The following TBXAS1 variants were observed in gnomAD, a reference collection of about 807,000 sequenced individuals.
The protein encoded by TBXAS1 is thromboxane-A synthase.
Under a neutral mutation model 60.7 loss-of-function variants are expected in TBXAS1, and 48 were observed. The ratio of observed to expected loss-of-function variants is 0.79; its 90% CI spans 0.63 to 1.01. The LOEUF is 1.01. TBXAS1 is among the 50% of genes least tolerant of loss of function. TBXAS1 has a pLI of 0.00. For synonymous variants in TBXAS1, 287 were observed against 269.7 expected (o/e 1.06, Z -0.63); for missense variants, 685 against 686.3 (o/e 1.00, Z 0.02).
intron 9 of TBXAS1, among the ~76,000 whole-genome samples, chr7:139,974,175 G>A (rs973059157): frequency 6.6e-6 from 1 of 152,206 alleles, no homozygotes; most frequent in Non-Finnish European, 1.5e-5. Flanking sequence ...GGCTGAAAAG[G>A]AGGGAGGTCC....
At position 139,884,832 on chromosome 7, in the gene TBXAS1, C is replaced by T. The variant is rs565180042; in HGVS notation, c.236+9195C>T. On this transcript the variant is annotated intron_variant, in intron 3 of 12. Transcript: ENST00000448866. ...TCTAGGTAGTACAGCAGGGTCTCAG[C>T]GGTGAGGGCTCTGAGGATGAACCAG... Among the ~76,000 whole-genome samples the T allele has an allele frequency of 5.9e-5, 9 of 152,322 alleles. No homozygotes were observed. The South Asian group carries it at 1.2e-3, about 21-fold the overall frequency.
At chr7:139,973,104 C>T (rs985723876) in intron 9 of TBXAS1, among the ~76,000 whole-genome samples, 5 of 151,960 alleles carry the variant, frequency 3.3e-5, no homozygotes, top group Non-Finnish European at 5.9e-5. Flanking sequence ...GTGCAATTGC[C>T]CAGAAGATAT....
At position 139,840,942 on chromosome 7, in the gene TBXAS1, C is replaced by T. The variant is rs577059850; in HGVS notation, c.89+11463C>T. On this transcript the variant is annotated intron_variant, in intron 1 of 12. Coordinates refer to ENST00000448866, the MANE Select transcript of TBXAS1 (RefSeq NM_001061.7). Reference sequence around the variant, plus strand: ...TACAGAAGGCCACCGAGTGCCTTCCCGATCTGGACTCCGTGACTTCTATGC... The same window carrying T: ...TACAGAAGGCCACCGAGTGCCTTCCTGATCTGGACTCCGTGACTTCTATGC... Among the ~76,000 whole-genome samples, 92 of 152,326 alleles carry T rather than the reference C, an allele frequency of 6.0e-4. 1 individual carries two copies. Among genetic ancestry groups the T allele is most frequent in the Middle Eastern group, 6.8e-3 (2 of 294 alleles).
intron 4 of TBXAS1, chr7:139,787,491 A>G (rs1246210905): frequency 1.3e-5 from 2 of 152,190 alleles, no homozygotes; most frequent in Non-Finnish European, 2.9e-5. Flanking sequence ...ATTCATTACA[A>G]ACTTCTGGAT....
At chr7:139,915,120 T>C (rs998819077) in intron 4 of TBXAS1, among the ~76,000 whole-genome samples, 6 of 152,242 alleles carry the variant, frequency 3.9e-5, no homozygotes, top group Non-Finnish European at 8.8e-5. Context: ...GCTTTGTTTA[T>C]GGTCTTTAAG....
chr7:139,987,910 A>G (rs1569523015), intron 9 of TBXAS1, among the ~76,000 whole-genome samples: 1 of 152,260 alleles, frequency 6.6e-6, no homozygotes, highest in Non-Finnish European at 1.5e-5. Flanking sequence ...TAGCACCACC[A>G]TGCAGATCAC....
intron 9 of TBXAS1, among the ~76,000 whole-genome samples, chr7:139,993,762 C>A (rs772886780): frequency 1.3e-5 from 2 of 152,212 alleles, no homozygotes; most frequent in African/African-American, 4.8e-5. Context: ...AACGCTGCCT[C>A]TGCCCCCTCC....
intron 3 of TBXAS1, among the ~76,000 whole-genome samples, chr7:139,907,585 G>A (rs902457561): frequency 6.6e-6 from 1 of 151,906 alleles, no homozygotes; most frequent in Non-Finnish European, 1.5e-5. Flanking sequence ...TAAAATTAGT[G>A]TTAATTCTTC....
At chr7:139,983,000 G>C (rs1018990595) in intron 9 of TBXAS1, among the ~76,000 whole-genome samples, 29 of 151,986 alleles carry the variant, frequency 1.9e-4, no homozygotes, top group Non-Finnish European at 3.2e-4. Context: ...TACACATTCT[G>C]GGATCCACAT....
At chr7:139,955,392 G>A (rs1469257854) in intron 6 of TBXAS1, 67 bp from the exon 7 acceptor site, 5 of 1,607,156 alleles carry the variant, frequency 3.1e-6, no homozygotes, top group Non-Finnish European at 3.4e-6. Flanking sequence ...CTCCTCCTCT[G>A]GAGGGGGCCA....
Position 140,017,728 on chromosome 7 carries a change from C to T in TBXAS1, c.1422C>T (p.Ala474=), listed in dbSNP as rs146745109. 2.1e-4 allele frequency: 343 copies of T among 1,613,882 alleles called. 2 individuals carry two copies. Among genetic ancestry groups the T allele is most frequent in the Middle Eastern group, 3.3e-4 (2 of 6,066 alleles). The change falls in exon 12 of 13, where the codon GCC becomes GCT. Residue 474 remains alanine, a synonymous_variant. Transcript: ENST00000448866. The part of the protein sequence containing the change: ...HRPFTYLPFG[A]GPRSCLGVRL... The stretch of plus-strand genomic sequence containing the variant: ...CCTTCACGTACCTGCCCTTCGGGGC[C>T]GGCCCACGGAGCTGCCTCGGGGTGC...
intron 9 of TBXAS1, among the ~76,000 whole-genome samples, chr7:140,003,083 C>A: frequency 1.4e-5 from 2 of 143,254 alleles, no homozygotes; most frequent in Non-Finnish European, 1.5e-5. Context: ...GAGACCGGGC[C>A]ATTGTACTCC....
intron 10 of TBXAS1, among the ~76,000 whole-genome samples, chr7:140,010,824 A>G (rs890653782): frequency 2.0e-5 from 3 of 152,270 alleles, no homozygotes; most frequent in African/African-American, 7.2e-5. Flanking sequence ...GGAACAGGGC[A>G]TAACAGTAAT....
rs1221986053 is a variant in TBXAS1 at position 139,896,327 on chromosome 7, C to T, written c.237-14898C>T. Among the ~76,000 whole-genome samples the T allele has an allele frequency of 1.3e-5, 2 of 152,290 alleles. No homozygotes were observed. The highest frequency in any genetic ancestry group is 2.9e-5 in the Non-Finnish European group (2 of 68,018). On this transcript the variant is annotated intron_variant, in intron 3 of 12. Transcript: ENST00000448866. The surrounding 1 kb of genome is among the most constrained non-coding windows in gnomAD (Gnocchi z 4.0). ...AAAGAGGGGCAGGTGACCCGACTGTCTGAAGTTTTCCAAACTAACAAGAGG... is the reference window on the plus strand; with the variant it reads ...AAAGAGGGGCAGGTGACCCGACTGTTTGAAGTTTTCCAAACTAACAAGAGG...
At position 139,862,861 on chromosome 7, in the gene TBXAS1, C is replaced by T. The variant is rs1200442982; in HGVS notation, c.90-9374C>T. ...TTTCTAAGCAGCCTGCCTTTGTTCT[C>T]AGCATATTGTCTACATGTTCTCATG... is the stretch of plus-strand genomic sequence containing the variant. On this transcript the variant is annotated intron_variant, in intron 1 of 12. Coordinates refer to ENST00000448866, the MANE Select transcript of TBXAS1 (RefSeq NM_001061.7). Among the ~76,000 whole-genome samples, 45 of 152,166 alleles carry T rather than the reference C, an allele frequency of 3.0e-4. 1 individual carries two copies. The highest frequency in any genetic ancestry group is 2.9e-3 in the Admixed American group (44 of 15,278).
At chr7:139,984,078 A>G (rs556696547) in intron 9 of TBXAS1, among the ~76,000 whole-genome samples, 2 of 152,234 alleles carry the variant, frequency 1.3e-5, no homozygotes, top group East Asian at 3.9e-4. Context: ...GAGGGTATGG[A>G]CGTTGGGCCC....
intron 3 of TBXAS1, among the ~76,000 whole-genome samples, chr7:139,910,609 C>A (rs1805445697): frequency 6.6e-6 from 1 of 152,016 alleles, no homozygotes; most frequent in Admixed American, 6.5e-5. Context: ...TGCAGTACAG[C>A]CTGGACAAAA....
At chr7:139,893,558 AC>A (rs1803826406) in intron 3 of TBXAS1, among the ~76,000 whole-genome samples, 1 of 152,036 alleles carries the variant, frequency 6.6e-6, no homozygotes, top group African/African-American at 2.4e-5. Context: ...TATGATTCTT[AC>A]TGTGAAAAAA....
chr7:139,909,563 G>C (rs1437881567), intron 3 of TBXAS1, among the ~76,000 whole-genome samples: 2 of 152,104 alleles, frequency 1.3e-5, no homozygotes, highest in Non-Finnish European at 2.9e-5. Flanking sequence ...AGATTTTCCT[G>C]ACAATTTTGG....
Sources: gnomAD v4.1 joint callset for allele counts (sites outside exome capture counted in the v4.1 genomes callset) on GRCh38, gnomAD v4.1.1 for gene constraint, Gnocchi (gnomAD v3.1) non-coding constraint, MANE v1.5 for transcripts, NCBI Gene and HGNC (gene_info 2026-07-23, HGNC 2026-07-21) for gene names.